The following TRIM5 variants were observed in gnomAD, a reference collection of about 807,000 sequenced individuals.
TRIM5 encodes tripartite motif containing 5, also known as tripartite motif-containing protein 5.
In TRIM5, 31 loss-of-function variants were observed where a neutral mutation model predicts 35.6. The observed-to-expected ratio is 0.87, with a 90% CI of 0.65 to 1.18. TRIM5 has a LOEUF of 1.18. Among genes scored for constraint, TRIM5 ranks in the 50% most tolerant of loss-of-function variants. The probability of loss-of-function intolerance (pLI) is 0.00; values close to 1 mark genes in which losing one functional copy is unlikely to be tolerated. For synonymous variants in TRIM5, 243 were observed against 215.6 expected (o/e 1.13, Z -1.11); for missense variants, 609 against 591.6 (o/e 1.03, Z -0.31).
chr11:5,608,877 G>C, the TRIM5 span, among the ~76,000 whole-genome samples: 14 of 90,982 alleles, frequency 1.5e-4, no homozygotes, highest in Admixed American at 1.4e-3. Context: ...TTGAGACAGA[G>C]TTTCACTCTG....
chr11:5,629,695 G>T, the TRIM5 span, among the ~76,000 whole-genome samples: 5 of 152,106 alleles, frequency 3.3e-5, no homozygotes, highest in Admixed American at 6.5e-5. Flanking sequence ...TGAGCTCTCC[G>T]TGAGGATTCT....
chr11:5,645,888 T>A, the TRIM5 span: 287 of 152,580 alleles, frequency 1.9e-3, 3 homozygotes, highest in East Asian at 0.018. Context: ...AAAATATATA[T>A]ATATATATCT....
At chr11:5,597,124 C>CA in the TRIM5 span, among the ~76,000 whole-genome samples, 23 of 152,182 alleles carry the variant, frequency 1.5e-4, no homozygotes, top group African/African-American at 5.3e-4. Context: ...ATAGATGCCG[C>CA]AGCCAGACTG....
At chr11:5,680,285 A>C in intron 1 of TRIM5, 47 bp from the exon 2 acceptor site, 18 of 1,154,682 alleles carry the variant, frequency 1.6e-5, no homozygotes, top group Non-Finnish European at 2.1e-5. Context: ...GAAAGGTAGA[A>C]ATAGAAAGGA....
intron 7 of TRIM5, 64 bp from the exon 8 acceptor site, chr11:5,665,459 A>G: frequency 6.5e-7 from 1 of 1,544,240 alleles, no homozygotes; most frequent in Non-Finnish European, 8.7e-7. Context: ...TATGAGAGAA[A>G]TCTTGATAAA....
At chr11:5,659,137 A>G (rs1329160140), downstream of TRIM5, among the ~76,000 whole-genome samples, 2 of 150,948 alleles carry the variant, frequency 1.3e-5, no homozygotes, top group East Asian at 4.0e-4. Flanking sequence ...TGTACCCTAG[A>G]ACTTAAAGTA....
the TRIM5 span, chr11:5,643,728 C>G: frequency 2.6e-6 from 4 of 1,557,694 alleles, no homozygotes; most frequent in Admixed American, 6.1e-5. Flanking sequence ...ATTTCTTCAC[C>G]TACAACCCTT....
At chr11:5,652,852 CT>C in the TRIM5 span, among the ~76,000 whole-genome samples, 1,696 of 143,592 alleles carry the variant, frequency 0.012, 14 homozygotes, top group African/African-American at 0.03. Context: ...TTTTCTTTTT[CT>C]TTTTTTTTTT....
the TRIM5 span, among the ~76,000 whole-genome samples, chr11:5,657,607 T>TTTATATTTTATTTATATATTTATATA: frequency 1.9e-5 from 2 of 105,658 alleles, no homozygotes; most frequent in Non-Finnish European, 3.7e-5. Context: ...ATAATATATA[T>TTTATATTTTATTTATATATTTATATA]TTATATATTA....
downstream of TRIM5, among the ~76,000 whole-genome samples, chr11:5,662,463 C>T (rs928841992): frequency 6.6e-6 from 1 of 152,108 alleles, no homozygotes; most frequent in Non-Finnish European, 1.5e-5. Context: ...AAGAGTCAGG[C>T]TAACCTGGGC....
At chr11:5,643,537 G>A in the TRIM5 span, 46 of 1,614,180 alleles carry the variant, frequency 2.8e-5, no homozygotes, top group East Asian at 5.8e-4. Context: ...CCTCCCTGCC[G>A]TGTTGGGGTT....
Position 5,664,299 on chromosome 11 carries a change from A to G in TRIM5, c.*510T>C. 1 of 986,218 alleles carries G rather than the reference A, an allele frequency of 1.0e-6. No individual in the cohort carries two copies. The highest frequency in any genetic ancestry group is 1.2e-6 in the Non-Finnish European group (1 of 830,524). The allele number at this position is 986,218 out of a possible 1,614,324, so 61.1% of individuals were successfully genotyped here. On this transcript the variant is annotated 3_prime_UTR_variant, in exon 8 of 8. Coordinates refer to ENST00000380034, the MANE Select transcript of TRIM5 (RefSeq NM_033034.3). Reference sequence around the variant, plus strand: ...CACTGCTGGTATATGGAGAGACAGGAGTTGAACTGAGATCCTCTAGATACA... The same window carrying G: ...CACTGCTGGTATATGGAGAGACAGGGGTTGAACTGAGATCCTCTAGATACA...
the TRIM5 span, among the ~76,000 whole-genome samples, chr11:5,601,219 C>G: frequency 1.3e-5 from 2 of 152,184 alleles, no homozygotes; most frequent in Admixed American, 1.3e-4. Context: ...GCCTTTACCA[C>G]TGACTGTCTT....
the TRIM5 span, among the ~76,000 whole-genome samples, chr11:5,628,187 C>T: frequency 6.6e-6 from 1 of 152,198 alleles, no homozygotes; most frequent in Non-Finnish European, 1.5e-5. Flanking sequence ...CAACATGCAT[C>T]CTCACTGTGA....
the TRIM5 span, among the ~76,000 whole-genome samples, chr11:5,595,740 G>C: frequency 3.4e-5 from 5 of 148,160 alleles, no homozygotes; most frequent in Non-Finnish European, 5.9e-5. Flanking sequence ...TTTTTTGAGA[G>C]AGAGTCTCGC....
the TRIM5 span, among the ~76,000 whole-genome samples, chr11:5,649,344 C>CA: frequency 2.0e-5 from 3 of 152,176 alleles, no homozygotes; most frequent in Non-Finnish European, 4.4e-5. Context: ...TGGAGTGACC[C>CA]AAACTTTCAT....
chr11:5,658,551 C>A (rs1229097670), downstream of TRIM5, among the ~76,000 whole-genome samples: 1 of 152,162 alleles, frequency 6.6e-6, no homozygotes, highest in Non-Finnish European at 1.5e-5. Flanking sequence ...GAAACTCCTC[C>A]AATACTGTTA....
the TRIM5 span, chr11:5,634,873 C>T: frequency 8.1e-6 from 13 of 1,608,260 alleles, no homozygotes; most frequent in African/African-American, 1.3e-5. Flanking sequence ...TAAGAAGGTT[C>T]GCTCAATCTG....
chr11:5,609,109 T>C, the TRIM5 span, among the ~76,000 whole-genome samples: 2 of 152,092 alleles, frequency 1.3e-5, no homozygotes, highest in African/African-American at 4.8e-5. Context: ...TGGAGGATAA[T>C]AATTTAGCCC....
Sources: gnomAD v4.1 joint callset for allele counts (sites outside exome capture counted in the v4.1 genomes callset) on GRCh38, gnomAD v4.1.1 for gene constraint, MANE v1.5 for transcripts, NCBI Gene and HGNC (gene_info 2026-07-23, HGNC 2026-07-21) for gene names.